The following GRID2 variants were observed in gnomAD, a reference collection of about 807,000 sequenced individuals.
GRID2 encodes glutamate ionotropic receptor delta type subunit 2, also known as glutamate receptor ionotropic, delta-2.
A neutral mutation model predicts 114.8 loss-of-function variants in GRID2; 33 were observed. The observed-to-expected ratio is 0.29, with a 90% CI of 0.22 to 0.38. The LOEUF is 0.38. Among genes scored for constraint, GRID2 ranks in the 10% least tolerant of loss-of-function variants. The pLI is 1.00. For synonymous variants in GRID2, 505 were observed against 449.9 expected (o/e 1.12, Z -1.55); for missense variants, 1,184 against 1,257.7 (o/e 0.94, Z 0.89).
At chr4:93,051,888 T>G (rs189117498) in intron 2 of GRID2, among the ~76,000 whole-genome samples, 84 of 152,078 alleles carry the variant, frequency 5.5e-4, no homozygotes, top group African/African-American at 2.0e-3. Flanking sequence ...AGTTTTTTTT[T>G]CTATCTCATT....
intron 2 of GRID2, among the ~76,000 whole-genome samples, chr4:92,720,002 A>G (rs1735735806): frequency 6.6e-6 from 1 of 152,120 alleles, no homozygotes; most frequent in African/African-American, 2.4e-5. Context: ...AAAAATGGCA[A>G]GTATTATGAT....
intron 2 of GRID2, among the ~76,000 whole-genome samples, chr4:92,868,961 G>A (rs1745088416): frequency 6.6e-6 from 1 of 151,948 alleles, no homozygotes; most frequent in Non-Finnish European, 1.5e-5. Context: ...TTTCTTCTAG[G>A]TCCCTGTCTA....
chr4:93,808,515 T>C (rs879303383), exon 2 of GRID2: 2 of 152,198 alleles, frequency 1.3e-5, no homozygotes, highest in Non-Finnish European at 2.9e-5. Context: ...TTACCCACTC[T>C]GTTCCTACCT....
intron 6 of GRID2, among the ~76,000 whole-genome samples, chr4:93,219,806 A>T (rs1744666621): frequency 6.6e-6 from 1 of 152,200 alleles, no homozygotes; most frequent in African/African-American, 2.4e-5. Context: ...AAACAGAAAC[A>T]TTCTAATACT....
chr4:93,614,081 G>T (rs975446705), intron 13 of GRID2, among the ~76,000 whole-genome samples: 1 of 152,078 alleles, frequency 6.6e-6, no homozygotes, highest in Non-Finnish European at 1.5e-5. Flanking sequence ...TTTTCCAGGT[G>T]CGTCCGTCAC....
At chr4:93,101,246 T>C (rs1731678038) in intron 3 of GRID2, among the ~76,000 whole-genome samples, 1 of 152,142 alleles carries the variant, frequency 6.6e-6, no homozygotes, top group Non-Finnish European at 1.5e-5. Flanking sequence ...ATCCATCACC[T>C]TAAATATTTA....
rs912651125 is a variant in GRID2 at position 93,517,902 on chromosome 4, GTA to G, written c.2193+2493_2193+2494del. 1.0e-4 allele frequency among the ~76,000 whole-genome samples: 15 copies of G among 148,328 alleles called. 1 individual carries two copies. The highest frequency in any genetic ancestry group is 8.8e-4 in the Admixed American group (13 of 14,746). Reference sequence around the variant, plus strand: ...GGCAAGAATCCATATATATATATATGTATGTGTGTGTGTATGTATATACTATA... The same window carrying G: ...GGCAAGAATCCATATATATATATATGTGTGTGTGTGTATGTATATACTATA... On this transcript the variant is annotated intron_variant, in intron 13 of 15. Coordinates refer to ENST00000282020, the MANE Select transcript of GRID2 (RefSeq NM_001510.4).
intron 13 of GRID2, among the ~76,000 whole-genome samples, chr4:93,561,131 T>C (rs982516653): frequency 6.6e-6 from 1 of 152,142 alleles, no homozygotes; most frequent in Non-Finnish European, 1.5e-5. Flanking sequence ...GGGAGTCAGA[T>C]AATGGAATGG....
intron 13 of GRID2, among the ~76,000 whole-genome samples, chr4:93,554,902 G>T (rs777851485): frequency 6.6e-6 from 1 of 152,126 alleles, no homozygotes; most frequent in Non-Finnish European, 1.5e-5. Context: ...TTCCAACTGA[G>T]GTACTCGGCT....
chr4:92,765,465 C>T lies in GRID2; in HGVS notation c.244+175179C>T, dbSNP rs138104399. On this transcript the variant is annotated intron_variant, in intron 2 of 15. Transcript: ENST00000282020. ...CGTTGATCTCCAGGAAGGACTGTTG[C>T]TGCTATTCAATGAAGCAGAGAGTTT... Among the ~76,000 whole-genome samples, 500 of 152,084 alleles carry T rather than the reference C, an allele frequency of 3.3e-3. 3 individuals carry two copies. Among genetic ancestry groups the T allele is most frequent in the African/African-American group, 0.011 (472 of 41,486 alleles).
Position 93,772,215 on chromosome 4 carries a change from A to G in GRID2, c.2741A>G (p.Gln914Arg). Residue 914 changes from glutamine (Q) to arginine (R), a missense_variant, in exon 16 of 16, where the codon CAA (glutamine) becomes CGA (arginine). By Grantham distance (43) the Gln-to-Arg change is conservative. This residue lies in a region of GRID2 where 717 missense variants were observed against 796.9 expected (regional missense o/e 0.90). Transcript: ENST00000282020. ...GACATTGACACTTTGCCAACACGAC[A>G]AGCACTGGAGCAAATCAGTGATTTC... is the stretch of plus-strand genomic sequence containing the variant. Reference protein sequence around the residue: ...PLDIDTLPTRQALEQISDFRN... With the variant: ...PLDIDTLPTRRALEQISDFRN... 2.0e-5 allele frequency: 33 copies of G among 1,614,124 alleles called. No homozygotes were observed. Among genetic ancestry groups the G allele is most frequent in the Non-Finnish European group, 2.7e-5 (32 of 1,179,994 alleles).
At chr4:93,498,035 G>A (rs1727715402) in intron 12 of GRID2, among the ~76,000 whole-genome samples, 3 of 151,784 alleles carry the variant, frequency 2.0e-5, no homozygotes, top group African/African-American at 7.3e-5. Context: ...TCCTGTACAT[G>A]TTTTGTTAGA....
intron 2 of GRID2, among the ~76,000 whole-genome samples, chr4:92,935,230 G>A (rs1208226581): frequency 2.7e-5 from 4 of 146,726 alleles, no homozygotes; most frequent in Non-Finnish European, 6.0e-5. Flanking sequence ...CAAAGGACAT[G>A]AACAGACACT....
chr4:93,560,222 T>TAAAAAAAAAAA lies in GRID2; in HGVS notation c.2193+44832_2193+44842dup, dbSNP rs70942974. The stretch of plus-strand genomic sequence containing the variant: ...TACGCATGTATTCCAGAACTTAAAG[T>TAAAAAAAAAAA]AAAAAAAAAAAAAAAAAAAAAAAAA... On this transcript the variant is annotated intron_variant, in intron 13 of 15. Coordinates refer to ENST00000282020, the MANE Select transcript of GRID2 (RefSeq NM_001510.4). 3.7e-3 allele frequency among the ~76,000 whole-genome samples: 158 copies of TAAAAAAAAAAA among 42,966 alleles called. 4 individuals are homozygous for TAAAAAAAAAAA. The highest frequency in any genetic ancestry group is 4.6e-3 in the African/African-American group (52 of 11,284). The allele number at this position is 42,966 out of a possible 152,430, so 28.2% of individuals were successfully genotyped here.
At chr4:93,575,353 G>A (rs933742970) in intron 13 of GRID2, among the ~76,000 whole-genome samples, 11 of 152,134 alleles carry the variant, frequency 7.2e-5, no homozygotes, top group African/African-American at 2.7e-4. Flanking sequence ...GTTCACGTGT[G>A]TACTCCTTGT....
intron 2 of GRID2, among the ~76,000 whole-genome samples, chr4:92,771,995 C>G (rs1358138788): frequency 2.0e-5 from 3 of 152,124 alleles, no homozygotes; most frequent in African/African-American, 7.2e-5. Flanking sequence ...ATGTCTAGCC[C>G]CTACTGGCCT....
chr4:93,630,670 T>G (rs1002536554), intron 14 of GRID2, among the ~76,000 whole-genome samples: 1 of 152,212 alleles, frequency 6.6e-6, no homozygotes, highest in African/African-American at 2.4e-5. Flanking sequence ...AGATTCATGA[T>G]AGTGACACAT....
chr4:92,584,985 T>A (rs1442272753), intron 1 of GRID2, among the ~76,000 whole-genome samples: 1 of 152,076 alleles, frequency 6.6e-6, no homozygotes, highest in East Asian at 1.9e-4. Flanking sequence ...AACAACATGA[T>A]TCCTTCTTTT....
chr4:92,457,214 G>T (rs1162915049), intron 1 of GRID2, among the ~76,000 whole-genome samples: 1 of 151,888 alleles, frequency 6.6e-6, no homozygotes, highest in Non-Finnish European at 1.5e-5. Flanking sequence ...AGTTCAATTG[G>T]CTTAAACTCT....
Sources: gnomAD v4.1 joint callset for allele counts (sites outside exome capture counted in the v4.1 genomes callset) on GRCh38, gnomAD v4.1.1 for gene constraint, gnomAD v4.1.1 regional missense constraint, MANE v1.5 for transcripts, NCBI Gene and HGNC (gene_info 2026-07-23, HGNC 2026-07-21) for gene names.